The following PRKCZ variants were observed in gnomAD, a reference collection of about 807,000 sequenced individuals.
The protein encoded by PRKCZ is protein kinase C zeta.
In PRKCZ, 33 loss-of-function variants were observed where a neutral mutation model predicts 79.5. The observed-to-expected ratio is 0.41, with a 90% CI of 0.31 to 0.55. PRKCZ has a LOEUF of 0.55. Among genes scored for constraint, PRKCZ ranks in the 20% least tolerant of loss-of-function variants. The pLI, the probability that PRKCZ is intolerant of heterozygous loss-of-function variation, is 0.19. For synonymous variants in PRKCZ, 342 were observed against 320.9 expected, an observed-to-expected ratio of 1.07 and a Z score of -0.70; for missense variants, 578 against 813.5, an observed-to-expected ratio of 0.71 and a Z score of 3.52.
intron 1 of PRKCZ, among the ~76,000 whole-genome samples, chr1:2,051,984 A>C (rs1240016475): frequency 6.6e-6 from 1 of 152,098 alleles, no homozygotes; most frequent in Non-Finnish European, 1.5e-5. Context: ...GCCCTACCTG[A>C]AGAGGTAGGG....
chr1:2,107,907 A>C (rs888421503), intron 4 of PRKCZ, among the ~76,000 whole-genome samples: 1 of 146,864 alleles, frequency 6.8e-6, no homozygotes, highest in Non-Finnish European at 1.5e-5. Context: ...CCCCCAGGGC[A>C]GTGTCGGGAG....
intron 4 of PRKCZ, among the ~76,000 whole-genome samples, chr1:2,114,122 G>C (rs1670272094): frequency 6.6e-6 from 1 of 152,138 alleles, no homozygotes; most frequent in African/African-American, 2.4e-5. Context: ...AAACAGCAGA[G>C]GGCTGCACCC....
chr1:2,121,812 A>G (rs867409555), intron 4 of PRKCZ, among the ~76,000 whole-genome samples: 114 of 6,600 alleles, frequency 0.017, 17 homozygotes, highest in Middle Eastern at 0.071. Context: ...GGTTAGGGTC[A>G]CGGTGGTGGT....
chr1:2,134,074 T>C (rs1290500737), intron 4 of PRKCZ: 1 of 147,190 alleles, frequency 6.8e-6, no homozygotes, highest in African/African-American at 2.5e-5. Flanking sequence ...GTCGCGTCTG[T>C]GGCCGGAGGG....
chr1:2,103,408 G>GGTGCAGTGGCCGGTGCTGAGCAGCT (rs368116391), intron 4 of PRKCZ, among the ~76,000 whole-genome samples: 1 of 152,212 alleles, frequency 6.6e-6, no homozygotes, highest in African/African-American at 2.4e-5. Context: ...CAGAGTGTGG[G>GGTGCAGTGGCCGGTGCTGAGCAGCT]GGATGGTTCA....
At chr1:2,154,673 A>G (rs1237140596) in intron 9 of PRKCZ, among the ~76,000 whole-genome samples, 1 of 152,148 alleles carries the variant, frequency 6.6e-6, no homozygotes, top group Non-Finnish European at 1.5e-5. Flanking sequence ...GATCCAGCCT[A>G]TTTTGACGCA....
intron 1 of PRKCZ, among the ~76,000 whole-genome samples, chr1:2,053,171 G>C (rs1659846290): frequency 6.6e-6 from 1 of 151,778 alleles, no homozygotes. Context: ...TGTGGTCTCG[G>C]CCCACTGTAT....
Position 2,148,223 on chromosome 1 carries a change from A to T in PRKCZ, c.635-649A>T, listed in dbSNP as rs534673973. ...CCATCTTTCCGTCTGTTGTCCACTG[A>T]CCTCTCCGTCTATCCATCTATCTGT... On this transcript the variant is annotated intron_variant, in intron 7 of 17. Coordinates refer to ENST00000378567, the MANE Select transcript of PRKCZ (RefSeq NM_002744.6). Among the ~76,000 whole-genome samples the T allele has an allele frequency of 5.4e-5, 8 of 147,788 alleles. No homozygotes were observed. In the East Asian group the frequency reaches 1.6e-3, roughly 30 times the overall value.
chr1:2,106,048 C>T (rs148286211), intron 4 of PRKCZ, among the ~76,000 whole-genome samples: 1 of 152,236 alleles, frequency 6.6e-6, no homozygotes, highest in African/African-American at 2.4e-5. Flanking sequence ...GTCTCCTGGC[C>T]ATGCCAGACA....
intron 11 of PRKCZ, among the ~76,000 whole-genome samples, chr1:2,170,366 T>G (rs1375881434): frequency 6.6e-6 from 1 of 152,186 alleles, no homozygotes; most frequent in Non-Finnish European, 1.5e-5. Flanking sequence ...CTCCTTTTCC[T>G]CATTTCCTTA....
At chr1:2,181,762 G>A in intron 16 of PRKCZ, 1 of 453,826 alleles carries the variant, frequency 2.2e-6, no homozygotes, top group African/African-American at 2.0e-5. Flanking sequence ...TTAAACCCTT[G>A]TAAAGCAGCA....
intron 9 of PRKCZ, among the ~76,000 whole-genome samples, chr1:2,154,292 T>C (rs1287783964): frequency 6.6e-6 from 1 of 151,834 alleles, no homozygotes; most frequent in African/African-American, 2.4e-5. Flanking sequence ...GGGGGGCAGG[T>C]CTGCAGCTCA....
intron 15 of PRKCZ, among the ~76,000 whole-genome samples, 179 bp from the exon 16 acceptor site, chr1:2,175,045 T>C (rs1042667854): frequency 8.6e-5 from 13 of 152,022 alleles, no homozygotes; most frequent in Non-Finnish European, 1.8e-4. Context: ...CCAAGGAAAA[T>C]GGAACGGAGC....
At chr1:2,101,840 C>T (rs978687545) in intron 4 of PRKCZ, among the ~76,000 whole-genome samples, 13 of 152,142 alleles carry the variant, frequency 8.5e-5, no homozygotes, top group Admixed American at 3.3e-4. Flanking sequence ...ACAGTAGACA[C>T]GCAAGGATAC....
chr1:2,153,875 A>G (rs1680398283), intron 9 of PRKCZ, among the ~76,000 whole-genome samples: 1 of 152,148 alleles, frequency 6.6e-6, no homozygotes, highest in Non-Finnish European at 1.5e-5. Context: ...GATGGTTTCT[A>G]GAAATTTCTT....
intron 3 of PRKCZ, among the ~76,000 whole-genome samples, chr1:2,057,439 C>T (rs1660271754): frequency 6.6e-6 from 1 of 152,170 alleles, no homozygotes; most frequent in Non-Finnish European, 1.5e-5. Context: ...TGGCCATGGA[C>T]GATTGAGTCC....
chr1:2,166,580 G>C (rs918218340), intron 10 of PRKCZ, among the ~76,000 whole-genome samples: 4 of 152,096 alleles, frequency 2.6e-5, no homozygotes, highest in Non-Finnish European at 5.9e-5. Context: ...AACATGGCGA[G>C]TGTGGCTACC....
intron 10 of PRKCZ, among the ~76,000 whole-genome samples, chr1:2,166,034 C>T (rs961511851): frequency 6.6e-6 from 1 of 152,210 alleles, no homozygotes; most frequent in Non-Finnish European, 1.5e-5. Context: ...CTGCGGTCTG[C>T]GTCTCGCCTG....
rs61020898 is a variant in PRKCZ, at chr1:2,125,244, A to G, written c.335-10018A>G. Reference sequence around the variant, plus strand: ...GGTATTTGGTATGAATTTATTTGCAACTGACTGCTTGGAAGTTGGCGTACA... The same window carrying G: ...GGTATTTGGTATGAATTTATTTGCAGCTGACTGCTTGGAAGTTGGCGTACA... On this transcript the variant is annotated intron_variant, in intron 4 of 17. Coordinates refer to ENST00000378567, the MANE Select transcript of PRKCZ (RefSeq NM_002744.6). This position sits in a 1 kb window ranked among gnomAD's most constrained non-coding sequence, Gnocchi z 4.2. 1.2e-3 allele frequency among the ~76,000 whole-genome samples: 184 copies of G among 152,368 alleles called. No homozygotes were observed. Among genetic ancestry groups the G allele is most frequent in the African/African-American group, 4.3e-3 (177 of 41,592 alleles).
Sources: gnomAD v4.1 joint callset for allele counts (sites outside exome capture counted in the v4.1 genomes callset) on GRCh38, gnomAD v4.1.1 for gene constraint, Gnocchi (gnomAD v3.1) non-coding constraint, MANE v1.5 for transcripts, NCBI Gene and HGNC (gene_info 2026-07-23, HGNC 2026-07-21) for gene names.